The following CADPS variants were observed in gnomAD, a reference collection of about 807,000 sequenced individuals.
The protein encoded by CADPS is calcium-dependent secretion activator 1.
In CADPS, 57 loss-of-function variants were observed where a neutral mutation model predicts 167.3. That is an observed-to-expected ratio of 0.34 (90% CI 0.28 to 0.42). The LOEUF is 0.42. Among genes scored for constraint, CADPS ranks in the 20% least tolerant of loss-of-function variants. The pLI is 1.00. For synonymous variants in CADPS, 676 were observed against 635.3 expected (o/e 1.06, Z -0.96); for missense variants, 1,414 against 1,738.1 (o/e 0.81, Z 3.32).
intron 3 of CADPS, among the ~76,000 whole-genome samples, chr3:62,734,490 A>G (rs932255136): frequency 6.6e-6 from 1 of 152,144 alleles, no homozygotes; most frequent in East Asian, 1.9e-4. Flanking sequence ...AGTAGCCACT[A>G]TTCTGATTTC....
intron 28 of CADPS, among the ~76,000 whole-genome samples, chr3:62,411,030 A>C (rs1037498095): frequency 9.9e-5 from 15 of 152,112 alleles, no homozygotes; most frequent in African/African-American, 3.1e-4. Flanking sequence ...GCTTGAGCCC[A>C]GGGGTTTGGG....
chr3:62,560,852 G>C (rs1211979607), intron 9 of CADPS, among the ~76,000 whole-genome samples: 3 of 152,118 alleles, frequency 2.0e-5, no homozygotes, highest in Non-Finnish European at 4.4e-5. Context: ...AGGCTGAGAT[G>C]GGTAGATTAT....
chr3:62,631,628 A>G (rs1325215216), intron 6 of CADPS, among the ~76,000 whole-genome samples: 5 of 152,194 alleles, frequency 3.3e-5, no homozygotes, highest in South Asian at 4.1e-4. Context: ...TGCTGTTTAT[A>G]CAATAACTCT....
Position 62,474,194 on chromosome 3 carries a change from G to A in CADPS, c.3456C>T (p.Cys1152=). 1 of 1,143,888 alleles carries A rather than the reference G, an allele frequency of 8.7e-7. No homozygotes were observed. The highest frequency in any genetic ancestry group is 1.2e-6 in the Non-Finnish European group (1 of 842,514). 70.9% of individuals were successfully genotyped at this position (1,143,888 alleles called of 1,614,324 possible). A position where few individuals can be genotyped will look rare whatever the true frequency, so the allele number is the denominator to read the frequency against. The change falls in exon 24 of 30, where the codon TGC becomes TGT. Residue 1152 remains cysteine (C), a synonymous_variant. Transcript: ENST00000383710. ...VDAKAQSTKL[C]SMEMGQEHQY... ...TTACCTCTTGGCCCATTTCCATGCTGCAAAGTTTTGTTGATTGAGCTTTGG... is the reference window on the plus strand; with the variant it reads ...TTACCTCTTGGCCCATTTCCATGCTACAAAGTTTTGTTGATTGAGCTTTGG...
At chr3:62,401,788 A>G (rs1034551181) in intron 29 of CADPS, among the ~76,000 whole-genome samples, 5 of 148,216 alleles carry the variant, frequency 3.4e-5, no homozygotes, top group Non-Finnish European at 6.0e-5. Context: ...TCTGACTTAT[A>G]TTTTTCCTTC....
intron 6 of CADPS, among the ~76,000 whole-genome samples, chr3:62,640,014 G>A (rs2067110435): frequency 6.6e-6 from 1 of 152,078 alleles, no homozygotes; most frequent in African/African-American, 2.4e-5. Context: ...TTGTTCATTT[G>A]TTTATTGCCT....
intron 17 of CADPS, chr3:62,499,575 C>A: frequency 4.7e-6 from 1 of 213,862 alleles, no homozygotes; most frequent in Middle Eastern, 2.0e-3. Context: ...TTAAAGACAG[C>A]ATAAATGTAC....
intron 2 of CADPS, among the ~76,000 whole-genome samples, chr3:62,761,098 T>C (rs566448014): frequency 1.3e-5 from 2 of 152,310 alleles, no homozygotes; most frequent in South Asian, 4.1e-4. Context: ...GTGTCTGTTA[T>C]ATCTTACTAT....
rs748288278 is a variant in CADPS at position 62,753,745 on chromosome 3, C to A, written c.584G>T (p.Arg195Leu). 22 of 1,613,380 alleles carry A rather than the reference C, an allele frequency of 1.4e-5. No homozygotes were observed. The South Asian group carries it at 1.5e-4, about 11-fold the overall frequency. The part of the protein sequence containing the change: ...EVFLKSDRVA[R>L]MVQSGGCSAN... ...GGAACAGCCTCCACTCTGAACCATG[C>A]GGGCCACACGGTCGCTCTTCAGGAA... The change falls in exon 3 of 30, where the codon CGC (arginine) becomes CTC (leucine). Residue 195 changes from arginine to leucine, a missense_variant. By Grantham distance (102) the Arg-to-Leu change is moderately radical. This residue lies in a region of CADPS where 522 missense variants were observed against 559.5 expected (regional missense o/e 0.93). Coordinates refer to ENST00000383710, the MANE Select transcript of CADPS (RefSeq NM_003716.4). The surrounding 1 kb of genome is among the most constrained non-coding windows in gnomAD (Gnocchi z 4.6).
intron 12 of CADPS, among the ~76,000 whole-genome samples, chr3:62,535,250 A>C (rs570812693): frequency 6.8e-6 from 1 of 147,500 alleles, no homozygotes; most frequent in African/African-American, 2.5e-5. Flanking sequence ...TTTTTTTTTT[A>C]AGTCAAAGTG....
At chr3:62,702,677 A>G (rs1361830050) in intron 3 of CADPS, among the ~76,000 whole-genome samples, 2 of 152,104 alleles carry the variant, frequency 1.3e-5, no homozygotes, top group South Asian at 2.1e-4. Flanking sequence ...GCAATGGTAG[A>G]CATGTTTTAT....
chr3:62,780,677 A>AT (rs1360172930), intron 1 of CADPS, among the ~76,000 whole-genome samples: 1 of 152,216 alleles, frequency 6.6e-6, no homozygotes, highest in African/African-American at 2.4e-5. Flanking sequence ...CCCCCAAATT[A>AT]TAGCATTATT....
chr3:62,738,357 A>T (rs1380671682), intron 3 of CADPS, among the ~76,000 whole-genome samples: 2 of 152,202 alleles, frequency 1.3e-5, no homozygotes, highest in African/African-American at 4.8e-5. Context: ...AAAACTGCCA[A>T]TTAAAAGCAT....
intron 1 of CADPS, among the ~76,000 whole-genome samples, chr3:62,846,020 T>G (rs535672182): frequency 6.6e-6 from 1 of 151,770 alleles, no homozygotes; most frequent in East Asian, 2.0e-4. Context: ...TCACAAGATC[T>G]GGCCGTTTGA....
In CADPS at chr3:62,765,852, T is replaced by A; in HGVS notation, c.555+19A>T. ...AGGGCTTGAGTGGTCTTGGCATTCT[T>A]CTGAACAGTGATTCTCACCTCATAG... On this transcript the variant is annotated intron_variant, in intron 2 of 29. Coordinates refer to ENST00000383710, the MANE Select transcript of CADPS (RefSeq NM_003716.4). 1 of 1,545,802 alleles carries A rather than the reference T, an allele frequency of 6.5e-7. No individual in the cohort carries two copies. The highest frequency in any genetic ancestry group is 8.9e-7 in the Non-Finnish European group (1 of 1,118,714).
chr3:62,751,408 G>A (rs1308235804), intron 3 of CADPS, among the ~76,000 whole-genome samples: 2 of 151,870 alleles, frequency 1.3e-5, no homozygotes. Flanking sequence ...AATACTAAAT[G>A]TCTTAAGTAT....
At chr3:62,571,090 A>T (rs1414792821) in intron 8 of CADPS, 152 bp from the exon 9 acceptor site, 1 of 641,918 alleles carries the variant, frequency 1.6e-6, no homozygotes. Context: ...GTTGAGCATA[A>T]ACAACAGCAA....
intron 17 of CADPS, among the ~76,000 whole-genome samples, chr3:62,511,698 T>A (rs1331256142): frequency 1.3e-5 from 2 of 152,094 alleles, no homozygotes. Context: ...AAGACTTCCA[T>A]GGTTTTCTGA....
At chr3:62,819,274 C>T (rs1230785941) in intron 1 of CADPS, among the ~76,000 whole-genome samples, 1 of 152,050 alleles carries the variant, frequency 6.6e-6, no homozygotes, top group Admixed American at 6.6e-5. Context: ...ACCACTACAT[C>T]AAGGAATATT....
Sources: gnomAD v4.1 joint callset for allele counts (sites outside exome capture counted in the v4.1 genomes callset) on GRCh38, gnomAD v4.1.1 for gene constraint, gnomAD v4.1.1 regional missense constraint, Gnocchi (gnomAD v3.1) non-coding constraint, MANE v1.5 for transcripts, NCBI Gene and HGNC (gene_info 2026-07-23, HGNC 2026-07-21) for gene names.